The following FHIP2A variants were observed in gnomAD, a reference collection of about 807,000 sequenced individuals.
FHIP2A encodes family with sequence similarity 160 member B1.
A neutral mutation model predicts 93.5 loss-of-function variants in FHIP2A; 46 were observed. That is an observed-to-expected ratio of 0.49 (90% CI 0.39 to 0.63). FHIP2A has a LOEUF of 0.63. Ranked by LOEUF, FHIP2A falls within the 20% of genes least tolerant of loss-of-function variation. The pLI, the probability that FHIP2A is intolerant of heterozygous loss-of-function variation, is 0.00. For synonymous variants in FHIP2A, 332 were observed against 326.5 expected, an observed-to-expected ratio of 1.02 and a Z score of -0.18; for missense variants, 769 against 909.7, an observed-to-expected ratio of 0.85 and a Z score of 1.99.
At chr10:114,875,902 TAAAGAAAGAG>T (rs2083885351) in intron 16 of FHIP2A, among the ~76,000 whole-genome samples, 1 of 34,472 alleles carries the variant, frequency 2.9e-5, no homozygotes, top group African/African-American at 1.3e-4. Context: ...GAGAAAGAAA[TAAAGAAAGAG>T]AAAGAAAGAA....
chr10:114,842,807 T>C, intron 5 of FHIP2A, 126 bp from the exon 6 acceptor site: 1 of 634,380 alleles, frequency 1.6e-6, no homozygotes, highest in South Asian at 2.1e-5. Context: ...AATATTTTCA[T>C]GTGACATAAC....
intron 16 of FHIP2A, among the ~76,000 whole-genome samples, chr10:114,878,286 C>T (rs552127047): frequency 3.9e-5 from 6 of 152,290 alleles, no homozygotes; most frequent in South Asian, 4.1e-4. Context: ...CAGTGGAACA[C>T]GGAGGATCAG....
At chr10:114,868,003 A>G (rs567668737), downstream of FHIP2A, among the ~76,000 whole-genome samples, 6 of 149,514 alleles carry the variant, frequency 4.0e-5, no homozygotes, top group East Asian at 1.2e-3. Flanking sequence ...GTGCGGTGGC[A>G]CTATCAGCTC....
At chr10:114,847,355 C>A in intron 12 of FHIP2A, 122 bp downstream of exon 12, 1 of 786,766 alleles carries the variant, frequency 1.3e-6, no homozygotes. Context: ...GTGGCACGAT[C>A]TCTGCTCACT....
chr10:114,899,675 C>A, exon 17 of FHIP2A: 1 of 568,810 alleles, frequency 1.8e-6, no homozygotes. Context: ...CTATCCCATG[C>A]CCAGAACTTT....
chr10:114,856,723 A>G (rs185165747), intron 14 of FHIP2A, among the ~76,000 whole-genome samples: 1 of 152,362 alleles, frequency 6.6e-6, no homozygotes, highest in East Asian at 1.9e-4. Context: ...GATACATTGA[A>G]AACAGAATAT....
chr10:114,826,942 C>T (rs2083580233), intron 1 of FHIP2A, among the ~76,000 whole-genome samples: 1 of 151,982 alleles, frequency 6.6e-6, no homozygotes, highest in Non-Finnish European at 1.5e-5. Context: ...TGCAATGAGC[C>T]GAGATCACGC....
intron 1 of FHIP2A, among the ~76,000 whole-genome samples, chr10:114,828,174 T>A (rs1003013081): frequency 1.3e-5 from 2 of 152,216 alleles, no homozygotes. Context: ...AATTGAGAAC[T>A]GTTTAACTCT....
intron 16 of FHIP2A, among the ~76,000 whole-genome samples, chr10:114,880,891 T>A (rs933962067): frequency 1.3e-5 from 2 of 152,204 alleles, no homozygotes; most frequent in Non-Finnish European, 2.9e-5. Context: ...CATTTCCCTA[T>A]CAGTCCAACT....
In FHIP2A at chr10:114,848,633, C is replaced by T. The variant is rs1290083047; in HGVS notation, c.1713-14C>T. ...AATGGACATCTTGCATAATTGTGGC[C>T]GTTTTCATTTAAGTTTTCTCTGTCT... On this transcript the variant is annotated splice_polypyrimidine_tract_variant and intron_variant, in intron 12 of 16. Coordinates refer to ENST00000369248, the MANE Select transcript of FHIP2A (RefSeq NM_020940.4). 7.1e-6 allele frequency: 11 copies of T among 1,541,010 alleles called. No individual in the cohort carries two copies. Among genetic ancestry groups the T allele is most frequent in the Admixed American group, 6.9e-5 (4 of 57,986 alleles).
intron 16 of FHIP2A, among the ~76,000 whole-genome samples, chr10:114,892,735 CA>C (rs1272113565): frequency 1.1e-4 from 16 of 152,088 alleles, no homozygotes; most frequent in African/African-American, 3.9e-4. Flanking sequence ...GCATATCCAA[CA>C]ACAGAAAATC....
chr10:114,838,104 G>A (rs2083646740), intron 5 of FHIP2A, among the ~76,000 whole-genome samples: 1 of 152,160 alleles, frequency 6.6e-6, no homozygotes, highest in Non-Finnish European at 1.5e-5. Context: ...TTCCCAAGTG[G>A]CTTTGTCATT....
intron 1 of FHIP2A, among the ~76,000 whole-genome samples, chr10:114,823,331 A>G (rs1375088553): frequency 1.3e-5 from 2 of 152,214 alleles, no homozygotes; most frequent in East Asian, 1.9e-4. Flanking sequence ...GTAGAGCAGT[A>G]TTACACGGAG....
intron 16 of FHIP2A, among the ~76,000 whole-genome samples, chr10:114,884,703 A>G (rs1458769393): frequency 6.6e-6 from 1 of 152,088 alleles, no homozygotes; most frequent in East Asian, 1.9e-4. Context: ...ACCTGAGGTC[A>G]GGAGTTCGAG....
chr10:114,844,907 C>T (rs2083691098), intron 7 of FHIP2A, among the ~76,000 whole-genome samples: 1 of 151,920 alleles, frequency 6.6e-6, no homozygotes, highest in Non-Finnish European at 1.5e-5. Context: ...GCCTCAGCTT[C>T]CCAAGTAGCT....
chr10:114,834,537 G>A (rs970452000), intron 3 of FHIP2A, among the ~76,000 whole-genome samples: 1 of 152,300 alleles, frequency 6.6e-6, no homozygotes, highest in South Asian at 2.1e-4. Context: ...TGTCTATGAT[G>A]ATGCTTTGGA....
At chr10:114,822,145 G>A (rs1410806594) in intron 1 of FHIP2A, 22 bp downstream of exon 1, 19 of 1,292,496 alleles carry the variant, frequency 1.5e-5, no homozygotes, top group Admixed American at 3.0e-5. Flanking sequence ...GGCTGCGGGC[G>A]CACGGCAGGC....
chr10:114,848,157 C>T (rs545859370), intron 12 of FHIP2A, among the ~76,000 whole-genome samples: 1 of 151,392 alleles, frequency 6.6e-6, no homozygotes, highest in East Asian at 1.9e-4. Flanking sequence ...CTTTTGCTTC[C>T]CTTGCAGTGT....
chr10:114,863,660 A>T lies in FHIP2A; in HGVS notation c.*2120A>T. ...TCTTTTATATTTAGTTCAGACCTAGAGCCAGTAGAAGCTCTCACAGTGAGT... is the reference window on the plus strand; with the variant it reads ...TCTTTTATATTTAGTTCAGACCTAGTGCCAGTAGAAGCTCTCACAGTGAGT... On this transcript the variant is annotated 3_prime_UTR_variant, in exon 17 of 17. Coordinates refer to ENST00000369248, the MANE Select transcript of FHIP2A (RefSeq NM_020940.4). 3 of 1,301,754 alleles carry T rather than the reference A, an allele frequency of 2.3e-6. No homozygotes were observed. The highest frequency in any genetic ancestry group is 3.0e-6 in the Non-Finnish European group (3 of 988,194). 80.6% of individuals were successfully genotyped at this position (1,301,754 alleles called of 1,614,324 possible). A position where few individuals can be genotyped will look rare whatever the true frequency, so the allele number is the denominator to read the frequency against.
Sources: gnomAD v4.1 joint callset for allele counts (sites outside exome capture counted in the v4.1 genomes callset) on GRCh38, gnomAD v4.1.1 for gene constraint, MANE v1.5 for transcripts, NCBI Gene and HGNC (gene_info 2026-07-23, HGNC 2026-07-21) for gene names.